Variants in DAAM1 observed in about 807,000 individuals in gnomAD.
DAAM1 encodes the protein dishevelled associated activator of morphogenesis 1.
A neutral mutation model predicts 130.0 loss-of-function variants in DAAM1; 52 were observed. That is an observed-to-expected ratio of 0.40 (90% CI 0.32 to 0.50). The LOEUF (loss-of-function observed/expected upper bound fraction) is 0.50, where lower values mean the gene tolerates loss of function less well. DAAM1 is among the 20% of genes least tolerant of loss of function. The pLI, the probability that DAAM1 is intolerant of heterozygous loss-of-function variation, is 0.61. For synonymous variants in DAAM1, 452 were observed against 444.5 expected, an observed-to-expected ratio of 1.02 and a Z score of -0.21; for missense variants, 1,134 against 1,303.8, an observed-to-expected ratio of 0.87 and a Z score of 2.01.
chr14:59,192,510 G>T (rs1049713109), intron 1 of DAAM1, among the ~76,000 whole-genome samples: 3 of 152,196 alleles, frequency 2.0e-5, no homozygotes, highest in Non-Finnish European at 2.9e-5. Flanking sequence ...GGTATTTCCA[G>T]TGTTAAGTCT....
chr14:59,323,274 T>C (rs1313476573), intron 6 of DAAM1, 49 bp downstream of exon 6: 1 of 1,496,072 alleles, frequency 6.7e-7, no homozygotes, highest in Non-Finnish European at 8.9e-7. Context: ...TAAAGTCTGC[T>C]CAAACACGTG....
chr14:59,358,237 C>T (rs570096850), intron 20 of DAAM1, among the ~76,000 whole-genome samples: 33 of 152,278 alleles, frequency 2.2e-4, no homozygotes, highest in African/African-American at 6.0e-4. Flanking sequence ...GATTGTAATG[C>T]GTAGCAGTCA....
chr14:59,367,949 A>C (rs1236571162), intron 24 of DAAM1, among the ~76,000 whole-genome samples: 1 of 152,194 alleles, frequency 6.6e-6, no homozygotes, highest in African/African-American at 2.4e-5. Context: ...GTTCTAAATG[A>C]TATAACAGCC....
chr14:59,321,105 C>T (rs907466788), intron 5 of DAAM1, among the ~76,000 whole-genome samples: 1 of 146,688 alleles, frequency 6.8e-6, no homozygotes, highest in Non-Finnish European at 1.5e-5. Flanking sequence ...TATATATCCA[C>T]ATAATGGAAT....
chr14:59,331,706 G>A (rs561434945), intron 14 of DAAM1, 107 bp from the exon 15 acceptor site: 2 of 1,500,804 alleles, frequency 1.3e-6, no homozygotes, highest in African/African-American at 2.8e-5. Context: ...CACTTTGAGT[G>A]TCTGGTAGAC....
intron 3 of DAAM1, among the ~76,000 whole-genome samples, chr14:59,296,173 A>G (rs1433598899): frequency 2.0e-5 from 3 of 152,240 alleles, no homozygotes. Flanking sequence ...TCTAAAGGCT[A>G]TATAAGGGAA....
intron 23 of DAAM1, 62 bp from the exon 24 acceptor site, chr14:59,367,356 TTTCTCAAGTTA>T (rs1388952846): frequency 6.6e-7 from 1 of 1,518,262 alleles, no homozygotes; most frequent in African/African-American, 1.4e-5. Context: ...GGCTTTGGTC[TTTCTCAAGTTA>T]TTTATATTTG....
intron 1 of DAAM1, among the ~76,000 whole-genome samples, chr14:59,252,771 A>T (rs1881705013): frequency 1.3e-5 from 2 of 152,224 alleles, no homozygotes; most frequent in South Asian, 4.1e-4. Flanking sequence ...TCCACTCAAA[A>T]GCCATCAAAC....
At chr14:59,274,947 G>A (rs924824240) in intron 2 of DAAM1, among the ~76,000 whole-genome samples, 3 of 152,172 alleles carry the variant, frequency 2.0e-5, no homozygotes, top group Non-Finnish European at 2.9e-5. Flanking sequence ...TGTATATTAC[G>A]TGGTGAAATA....
At chr14:59,262,052 C>CTT (rs761447091) in intron 1 of DAAM1, among the ~76,000 whole-genome samples, 1 of 147,516 alleles carries the variant, frequency 6.8e-6, no homozygotes, top group East Asian at 2.0e-4. Flanking sequence ...CTCATCCCAC[C>CTT]TTTTTTTTTT....
chr14:59,293,743 T>C (rs556381103), intron 3 of DAAM1, among the ~76,000 whole-genome samples: 32 of 152,338 alleles, frequency 2.1e-4, no homozygotes, highest in African/African-American at 7.5e-4. Flanking sequence ...ACTGTGCCTT[T>C]GGTCTGAAAC....
intron 1 of DAAM1, among the ~76,000 whole-genome samples, chr14:59,189,854 A>C (rs891736251): frequency 6.6e-6 from 1 of 151,816 alleles, no homozygotes; most frequent in Non-Finnish European, 1.5e-5. Flanking sequence ...TTGCGGAGCT[A>C]CCTCTCGCCC....
chr14:59,197,844 A>C (rs1465147752), intron 1 of DAAM1, among the ~76,000 whole-genome samples: 1 of 152,030 alleles, frequency 6.6e-6, no homozygotes, highest in African/African-American at 2.4e-5. Flanking sequence ...GCCAAGTTCC[A>C]TATCTTGGGA....
At chr14:59,253,800 G>C (rs778461707) in intron 1 of DAAM1, among the ~76,000 whole-genome samples, 30 of 152,190 alleles carry the variant, frequency 2.0e-4, no homozygotes, top group Non-Finnish European at 5.9e-5. Flanking sequence ...GCCTCACCAG[G>C]GAGAGGGACT....
intron 23 of DAAM1, among the ~76,000 whole-genome samples, chr14:59,364,638 T>C (rs1296731450): frequency 1.3e-5 from 2 of 152,228 alleles, no homozygotes; most frequent in Non-Finnish European, 2.9e-5. Flanking sequence ...TCTGAGTCTT[T>C]TGTTTCGAAA....
chr14:59,214,148 G>T (rs1030673788), intron 1 of DAAM1, among the ~76,000 whole-genome samples: 2 of 152,238 alleles, frequency 1.3e-5, no homozygotes, highest in Admixed American at 6.5e-5. Context: ...GATTGGGGCT[G>T]TAGCTGATTC....
chr14:59,315,768 G>A (rs1884769661), intron 4 of DAAM1, among the ~76,000 whole-genome samples: 1 of 152,062 alleles, frequency 6.6e-6, no homozygotes, highest in Non-Finnish European at 1.5e-5. Flanking sequence ...TTCTTACTGA[G>A]AACTTGGTTA....
chr14:59,192,544 G>A (rs1490168318), intron 1 of DAAM1, among the ~76,000 whole-genome samples: 1 of 152,180 alleles, frequency 6.6e-6, no homozygotes, highest in African/African-American at 2.4e-5. Context: ...CGGAAACAAA[G>A]CAAGGTGTCC....
At chr14:59,275,045 T>G (rs1269009) in intron 2 of DAAM1, among the ~76,000 whole-genome samples, 149,816 of 152,280 alleles carry the variant, frequency 0.98, 73,741 homozygotes, top group East Asian at 1. Context: ...AGCCAAACAA[T>G]CCTCTTGAGG....
Sources: allele counts gnomAD v4.1 joint callset (sites outside exome capture counted in the v4.1 genomes callset), GRCh38; gene constraint gnomAD v4.1.1; transcripts MANE v1.5; gene names NCBI Gene and HGNC (gene_info 2026-07-23, HGNC 2026-07-21).